The following ZNF438 variants were observed in gnomAD, a reference collection of about 807,000 sequenced individuals.
The protein encoded by ZNF438 is zinc finger protein 438.
ZNF438 carries 25 observed loss-of-function variants against 38.0 expected under a neutral mutation model. That is an observed-to-expected ratio of 0.66 (90% confidence interval 0.48 to 0.92). The LOEUF (loss-of-function observed/expected upper bound fraction) is 0.92, where lower values mean the gene tolerates loss of function less well. Ranked by LOEUF, ZNF438 falls within the 40% of genes least tolerant of loss-of-function variation. The pLI is 0.00. For missense variants in ZNF438, 1,007 were observed against 999.6 expected (o/e 1.01, Z -0.10); for synonymous variants, 372 against 364.1 (o/e 1.02, Z -0.25).
At chr10:31,003,441 T>G (rs1413867262) in intron 1 of ZNF438, among the ~76,000 whole-genome samples, 1 of 152,172 alleles carries the variant, frequency 6.6e-6, no homozygotes, top group African/African-American at 2.4e-5. Context: ...TCCCTTCAAG[T>G]AACATCCCAG....
chr10:30,846,906 C>T (rs1055680216), intron 5 of ZNF438, among the ~76,000 whole-genome samples: 3 of 152,226 alleles, frequency 2.0e-5, no homozygotes, highest in Admixed American at 2.0e-4. Context: ...TGAGCCTGGG[C>T]TCTGCTGTAA....
At chr10:30,964,880 T>C (rs1289296488) in intron 1 of ZNF438, among the ~76,000 whole-genome samples, 2 of 152,188 alleles carry the variant, frequency 1.3e-5, no homozygotes, top group East Asian at 3.8e-4. Flanking sequence ...AATACCATTC[T>C]GGACACTGGC....
chr10:30,944,338 AG>A (rs1482985082), intron 1 of ZNF438, among the ~76,000 whole-genome samples: 1 of 152,220 alleles, frequency 6.6e-6, no homozygotes, highest in East Asian at 1.9e-4. Flanking sequence ...TCTTTTACCT[AG>A]TTTCTCTATA....
intron 1 of ZNF438, among the ~76,000 whole-genome samples, chr10:31,024,175 T>G (rs1456910141): frequency 6.6e-6 from 1 of 152,208 alleles, no homozygotes; most frequent in Admixed American, 6.5e-5. Context: ...AATAGCTCAG[T>G]GGAAACAGCC....
At chr10:30,906,246 A>C (rs995032094) in intron 3 of ZNF438, among the ~76,000 whole-genome samples, 2 of 152,144 alleles carry the variant, frequency 1.3e-5, no homozygotes, top group Non-Finnish European at 2.9e-5. Flanking sequence ...AATATTTTGT[A>C]GTTTTTGGTG....
chr10:30,861,686 A>ACTT (rs2035605027), intron 4 of ZNF438, among the ~76,000 whole-genome samples: 1 of 55,802 alleles, frequency 1.8e-5, no homozygotes, highest in Non-Finnish European at 3.7e-5. Flanking sequence ...AGCTTTTATT[A>ACTT]GTTATTTCTG....
Position 30,941,884 on chromosome 10 carries a change from G to A in ZNF438, c.-191-233C>T, listed in dbSNP as rs550783821. 5.9e-5 allele frequency among the ~76,000 whole-genome samples: 9 copies of A among 152,226 alleles called. No individual in the cohort carries two copies. The South Asian group carries it at 1.9e-3, about 32-fold the overall frequency. On this transcript the variant is annotated intron_variant, in intron 1 of 5. Transcript: ENST00000413025. ...TCTTCACATATTTTTATGTCAACCT[G>A]CTAAAAATTCTAGAAAATATATTAT...
intron 1 of ZNF438, among the ~76,000 whole-genome samples, chr10:31,029,279 G>A (rs1249765377): frequency 6.6e-6 from 1 of 151,906 alleles, no homozygotes; most frequent in African/African-American, 2.4e-5. Flanking sequence ...ATTAATATAG[G>A]TTAAAGTACT....
intron 1 of ZNF438, among the ~76,000 whole-genome samples, chr10:30,946,540 G>T (rs2047433272): frequency 6.6e-6 from 1 of 152,170 alleles, no homozygotes; most frequent in African/African-American, 2.4e-5. Context: ...CGAAGGACAT[G>T]AACAGACACT....
At chr10:31,013,481 C>A (rs561314825) in intron 1 of ZNF438, among the ~76,000 whole-genome samples, 1 of 152,134 alleles carries the variant, frequency 6.6e-6, no homozygotes, top group Non-Finnish European at 1.5e-5. Context: ...CCCTACACCC[C>A]CTTCACTCAG....
At chr10:30,973,813 G>A (rs989671205) in intron 1 of ZNF438, among the ~76,000 whole-genome samples, 11 of 152,166 alleles carry the variant, frequency 7.2e-5, no homozygotes, top group Admixed American at 2.0e-4. Flanking sequence ...TTGCTGCATA[G>A]ATTTTATTCA....
intron 4 of ZNF438, among the ~76,000 whole-genome samples, chr10:30,871,232 C>A (rs1238812624): frequency 1.3e-5 from 2 of 152,050 alleles, no homozygotes; most frequent in African/African-American, 4.8e-5. Context: ...CCCTTTGCTT[C>A]TTTTGCTCAT....
chr10:30,844,743 C>A (rs185912501), exon 6 of ZNF438: 1 of 530,298 alleles, frequency 1.9e-6, no homozygotes, highest in Non-Finnish European at 3.3e-6. Context: ...AGAATCAGTA[C>A]GTATTTTAAA....
At chr10:30,891,525 T>C (rs746251535) in intron 3 of ZNF438, among the ~76,000 whole-genome samples, 1 of 152,176 alleles carries the variant, frequency 6.6e-6, no homozygotes, top group East Asian at 1.9e-4. Context: ...TGCAGCACTC[T>C]TAAAATAATT....
At chr10:30,959,804 G>A (rs996488033) in intron 1 of ZNF438, among the ~76,000 whole-genome samples, 7 of 146,714 alleles carry the variant, frequency 4.8e-5, no homozygotes, top group African/African-American at 1.7e-4. Flanking sequence ...TCTCTCTGGA[G>A]AACCTTACTA....
chr10:30,906,890 C>T (rs2042637956), intron 3 of ZNF438, among the ~76,000 whole-genome samples: 1 of 152,226 alleles, frequency 6.6e-6, no homozygotes, highest in South Asian at 2.1e-4. Context: ...ACCAATCTTG[C>T]ATTCCTTACA....
chr10:30,926,431 G>A (rs1266136737), intron 2 of ZNF438, among the ~76,000 whole-genome samples: 1 of 152,164 alleles, frequency 6.6e-6, no homozygotes, highest in African/African-American at 2.4e-5. Context: ...ACTTTGGGAG[G>A]CCGAGGCGAG....
chr10:30,969,595 A>G (rs975612881), intron 1 of ZNF438, among the ~76,000 whole-genome samples: 77 of 152,340 alleles, frequency 5.1e-4, no homozygotes, highest in African/African-American at 1.6e-3. Flanking sequence ...TTGGGTTTCC[A>G]GCAATAATCA....
chr10:30,996,221 C>T (rs775534642), intron 1 of ZNF438, among the ~76,000 whole-genome samples: 5 of 152,076 alleles, frequency 3.3e-5, no homozygotes, highest in East Asian at 1.9e-4. Flanking sequence ...AAACAAAATT[C>T]GTAACTGCAG....
Sources: gnomAD v4.1 joint callset for allele counts (sites outside exome capture counted in the v4.1 genomes callset) on GRCh38, gnomAD v4.1.1 for gene constraint, MANE v1.5 for transcripts, NCBI Gene and HGNC (gene_info 2026-07-23, HGNC 2026-07-21) for gene names.